SOX5: variants seen among roughly 807,000 people sequenced by gnomAD.
SOX5 encodes the protein transcription factor SOX-5.
In SOX5, 9 loss-of-function variants were observed where a neutral mutation model predicts 92.0. That is an observed-to-expected ratio of 0.10 (90% CI 0.06 to 0.17). The LOEUF (loss-of-function observed/expected upper bound fraction) is 0.17, where lower values mean the gene tolerates loss of function less well. Ranked by LOEUF, SOX5 falls within the 10% of genes least tolerant of loss-of-function variation. The probability of loss-of-function intolerance (pLI) is 1.00; values close to 1 mark genes in which losing one functional copy is unlikely to be tolerated. For missense variants in SOX5, 642 were observed against 944.5 expected (o/e 0.68, Z 4.20); for synonymous variants, 344 against 336.3 (o/e 1.02, Z -0.25).
At chr12:24,266,949 C>G (rs1023566900) in intron 3 of SOX5, among the ~76,000 whole-genome samples, 1 of 152,186 alleles carries the variant, frequency 6.6e-6, no homozygotes, top group Non-Finnish European at 1.5e-5. Flanking sequence ...AACACTGTCT[C>G]TTAGTATTTT....
intron 9 of SOX5, among the ~76,000 whole-genome samples, chr12:23,586,558 G>C (rs1950776670): frequency 6.6e-6 from 1 of 151,562 alleles, no homozygotes; most frequent in Non-Finnish European, 1.5e-5. Context: ...ATTGATTCTT[G>C]GATTTGAATT....
intron 4 of SOX5, among the ~76,000 whole-genome samples, chr12:24,210,660 T>C (rs1958509149): frequency 2.0e-5 from 3 of 152,052 alleles, no homozygotes; most frequent in South Asian, 4.1e-4. Flanking sequence ...ATCATTAAGG[T>C]CCCTATTATA....
intron 1 of SOX5, among the ~76,000 whole-genome samples, chr12:24,425,750 T>G (rs1179653847): frequency 2.6e-5 from 4 of 152,178 alleles, no homozygotes; most frequent in Non-Finnish European, 5.9e-5. Context: ...AAACTATGCA[T>G]AGCAACAAGT....
At chr12:24,153,498 T>A (rs1951860983) in intron 4 of SOX5, among the ~76,000 whole-genome samples, 1 of 152,112 alleles carries the variant, frequency 6.6e-6, no homozygotes, top group Non-Finnish European at 1.5e-5. Flanking sequence ...TCTAAAATAG[T>A]TTTCTAGAAA....
chr12:24,269,261 T>C (rs944706634), intron 3 of SOX5, among the ~76,000 whole-genome samples: 1 of 152,220 alleles, frequency 6.6e-6, no homozygotes, highest in Admixed American at 6.5e-5. Context: ...AAAAGGCGTG[T>C]ACAAATGACA....
chr12:24,031,149 T>G (rs1955461017), intron 4 of SOX5, among the ~76,000 whole-genome samples: 1 of 151,054 alleles, frequency 6.6e-6, no homozygotes, highest in Non-Finnish European at 1.5e-5. Context: ...TTCAAAAAAT[T>G]TAAAAATTAA....
At chr12:23,718,612 G>A (rs1229854043) in intron 6 of SOX5, among the ~76,000 whole-genome samples, 1 of 152,134 alleles carries the variant, frequency 6.6e-6, no homozygotes. Context: ...AAGCCCCTTT[G>A]TGTCTGTTTT....
At chr12:23,560,700 T>C (rs1011472074) in intron 11 of SOX5, among the ~76,000 whole-genome samples, 2 of 152,260 alleles carry the variant, frequency 1.3e-5, no homozygotes, top group Non-Finnish European at 2.9e-5. Context: ...CATGTGCTAA[T>C]GTTGAATAAT....
rs142303805 is a variant in SOX5 at position 24,525,956 on chromosome 12, G to A, written c.-251+36373C>T. ...GCACTACACGGCTCACTGCAGCCCCGCACTCCTGGGCTCAAGTGATCCTCC... is the reference window on the plus strand; with the variant it reads ...GCACTACACGGCTCACTGCAGCCCCACACTCCTGGGCTCAAGTGATCCTCC... On this transcript the variant is annotated intron_variant, in intron 1 of 4. Coordinates refer to the SOX5 transcript ENST00000446891. Among the ~76,000 whole-genome samples, 605 of 151,784 alleles carry A rather than the reference G, an allele frequency of 4.0e-3. 1 individual carries two copies. Among genetic ancestry groups the A allele is most frequent in the Non-Finnish European group, 7.8e-3 (530 of 67,912 alleles).
At chr12:23,612,288 A>G (rs1320428574) in intron 8 of SOX5, among the ~76,000 whole-genome samples, 1 of 152,138 alleles carries the variant, frequency 6.6e-6, no homozygotes, top group African/African-American at 2.4e-5. Flanking sequence ...ATACATTCAT[A>G]TAATCCAAGT....
At chr12:23,581,231 A>G (rs904375898) in intron 9 of SOX5, among the ~76,000 whole-genome samples, 7 of 152,112 alleles carry the variant, frequency 4.6e-5, no homozygotes, top group South Asian at 4.1e-4. Flanking sequence ...CAGAGATCCA[A>G]TCATCCTGGA....
At chr12:23,673,181 A>C (rs1391106808) in intron 6 of SOX5, among the ~76,000 whole-genome samples, 1 of 152,194 alleles carries the variant, frequency 6.6e-6, no homozygotes, top group African/African-American at 2.4e-5. Context: ...TGAATAAATG[A>C]ATTCAAATGG....
chr12:24,437,199 A>G (rs983261972), intron 1 of SOX5, among the ~76,000 whole-genome samples: 5 of 152,116 alleles, frequency 3.3e-5, no homozygotes, highest in Non-Finnish European at 7.4e-5. Flanking sequence ...TAAGAAATAT[A>G]TTTTGTAATA....
chr12:24,263,924 C>T (rs1942635689), intron 3 of SOX5, among the ~76,000 whole-genome samples: 1 of 152,104 alleles, frequency 6.6e-6, no homozygotes, highest in African/African-American at 2.4e-5. Flanking sequence ...GATCATAATT[C>T]CAAGAGTTAT....
chr12:23,639,593 T>C (rs1592835191), intron 8 of SOX5, among the ~76,000 whole-genome samples: 1 of 152,344 alleles, frequency 6.6e-6, no homozygotes, highest in East Asian at 1.9e-4. Context: ...GTTATGTTAC[T>C]TTTATTGTCC....
chr12:23,661,962 G>A (rs958383298), intron 7 of SOX5, among the ~76,000 whole-genome samples: 3 of 152,046 alleles, frequency 2.0e-5, no homozygotes, highest in Admixed American at 6.5e-5. Flanking sequence ...GTGTGTTTAC[G>A]TATAACAGCT....
chr12:24,558,172 A>G (rs1208264753), intron 1 of SOX5, among the ~76,000 whole-genome samples: 1 of 152,214 alleles, frequency 6.6e-6, no homozygotes, highest in African/African-American at 2.4e-5. Flanking sequence ...ACCATAATGA[A>G]CTATTAGCAA....
At chr12:24,503,969 T>G (rs1009180217) in intron 1 of SOX5, among the ~76,000 whole-genome samples, 7 of 151,718 alleles carry the variant, frequency 4.6e-5, no homozygotes, top group Admixed American at 2.0e-4. Flanking sequence ...ACTTAAAGTA[T>G]AATTAAAAAA....
At chr12:24,455,848 T>G (rs1942955927) in intron 1 of SOX5, among the ~76,000 whole-genome samples, 1 of 152,146 alleles carries the variant, frequency 6.6e-6, no homozygotes, top group African/African-American at 2.4e-5. Flanking sequence ...TCCCCAGAAC[T>G]GCCCACAGTA....
Sources: gnomAD v4.1 joint callset for allele counts (sites outside exome capture counted in the v4.1 genomes callset) on GRCh38, gnomAD v4.1.1 for gene constraint, MANE v1.5 for transcripts, NCBI Gene and HGNC (gene_info 2026-07-23, HGNC 2026-07-21) for gene names.